KCNT2: variants seen among roughly 807,000 people sequenced by gnomAD.
KCNT2 encodes the protein potassium channel subfamily T member 2.
Under a neutral mutation model 153.8 loss-of-function variants are expected in KCNT2, and 67 were observed. The observed-to-expected ratio is 0.44, with a 90% CI of 0.36 to 0.53. KCNT2 has a LOEUF of 0.53. KCNT2 is among the 20% of genes least tolerant of loss of function. The pLI is 0.00. For synonymous variants in KCNT2, 500 were observed against 458.8 expected (o/e 1.09, Z -1.15); for missense variants, 975 against 1,354.8 (o/e 0.72, Z 4.40).
intron 16 of KCNT2, 42 bp from the exon 17 acceptor site, chr1:196,334,102 T>G: frequency 8.0e-7 from 1 of 1,246,170 alleles, no homozygotes; most frequent in Non-Finnish European, 1.2e-6. Flanking sequence ...GCGTTTGCCA[T>G]ATTGATCACT....
chr1:196,456,201 C>T (rs1041745929), intron 8 of KCNT2, among the ~76,000 whole-genome samples: 6 of 151,942 alleles, frequency 3.9e-5, no homozygotes, highest in African/African-American at 7.2e-5. Flanking sequence ...AGACTTCCTC[C>T]GGGAGTCTTT....
rs559480064 is a variant in KCNT2 at position 196,524,926 on chromosome 1, G to T, written c.96-32585C>A. 5.3e-5 allele frequency among the ~76,000 whole-genome samples: 8 copies of T among 152,164 alleles called. No individual in the cohort carries two copies. In the South Asian group the frequency reaches 1.5e-3, roughly 28 times the overall value. ...GTTTTGACTTTTATAAATACAATGA[G>T]TATTATAGAATCTTCAATTTCTCAT... On this transcript the variant is annotated intron_variant, in intron 1 of 27. Coordinates refer to ENST00000294725, the MANE Select transcript of KCNT2 (RefSeq NM_198503.5).
chr1:196,585,508 G>A (rs898914052), intron 1 of KCNT2, among the ~76,000 whole-genome samples: 2 of 151,770 alleles, frequency 1.3e-5, no homozygotes, highest in Non-Finnish European at 2.9e-5. Flanking sequence ...CCACTCAGTC[G>A]ATAATTCAAT....
intron 14 of KCNT2, among the ~76,000 whole-genome samples, chr1:196,344,916 A>G (rs1478483316): frequency 6.6e-6 from 1 of 152,088 alleles, no homozygotes; most frequent in African/African-American, 2.4e-5. Flanking sequence ...CTAATAGTTA[A>G]CCTGGAATCT....
chr1:196,298,905 A>G (rs1219682428), intron 22 of KCNT2, among the ~76,000 whole-genome samples: 1 of 150,992 alleles, frequency 6.6e-6, no homozygotes, highest in East Asian at 1.9e-4. Flanking sequence ...AAGACCAAGT[A>G]TTTATTTTTA....
intron 12 of KCNT2, among the ~76,000 whole-genome samples, chr1:196,407,276 A>T (rs1671903830): frequency 1.3e-5 from 2 of 151,462 alleles, no homozygotes; most frequent in South Asian, 4.1e-4. Context: ...TGTCAAATGA[A>T]TAGTAAAGTG....
chr1:196,525,503 C>G (rs960973178), intron 1 of KCNT2, among the ~76,000 whole-genome samples: 3 of 152,176 alleles, frequency 2.0e-5, no homozygotes, highest in African/African-American at 7.2e-5. Flanking sequence ...TTTCTTCAAT[C>G]ATGAGTTATA....
At chr1:196,252,309 A>C (rs1340193003) in intron 26 of KCNT2, among the ~76,000 whole-genome samples, 1 of 151,762 alleles carries the variant, frequency 6.6e-6, no homozygotes, top group African/African-American at 2.4e-5. Flanking sequence ...ACCATATGAT[A>C]ACTGTTGCAT....
In KCNT2 at chr1:196,497,001, G is replaced by T. The variant is rs147407764; in HGVS notation, c.96-4660C>A. On this transcript the variant is annotated intron_variant, in intron 1 of 27. Coordinates refer to ENST00000294725, the MANE Select transcript of KCNT2 (RefSeq NM_198503.5). The stretch of plus-strand genomic sequence containing the variant: ...GTTGAATGAAATGGCATTATTTAAG[G>T]AACTACTGCATTTACATTTCATTGT... Among the ~76,000 whole-genome samples, 603 of 152,252 alleles carry T rather than the reference G, an allele frequency of 4.0e-3. 6 individuals are homozygous for T. The highest frequency in any genetic ancestry group is 0.014 in the African/African-American group (568 of 41,538).
chr1:196,486,005 T>A (rs1159471472), intron 3 of KCNT2, among the ~76,000 whole-genome samples: 2 of 151,942 alleles, frequency 1.3e-5, no homozygotes, highest in Non-Finnish European at 2.9e-5. Context: ...GTAACTGGAA[T>A]CTACCTGAAT....
At chr1:196,483,182 T>G (rs1427565896) in intron 3 of KCNT2, among the ~76,000 whole-genome samples, 2 of 152,190 alleles carry the variant, frequency 1.3e-5, no homozygotes, top group Non-Finnish European at 2.9e-5. Flanking sequence ...TCATTTTATT[T>G]GGCTACTCAA....
At chr1:196,518,821 A>T (rs1185976763) in intron 1 of KCNT2, among the ~76,000 whole-genome samples, 2 of 152,182 alleles carry the variant, frequency 1.3e-5, no homozygotes, top group African/African-American at 4.8e-5. Context: ...AAAGAAACTT[A>T]GACTTCCACA....
intron 25 of KCNT2, among the ~76,000 whole-genome samples, chr1:196,277,996 G>T (rs1658734412): frequency 6.6e-6 from 1 of 151,800 alleles, no homozygotes; most frequent in African/African-American, 2.4e-5. Flanking sequence ...ATCTTGCAAA[G>T]CTATGAGCAA....
chr1:196,359,411 A>G (rs1466757093), intron 14 of KCNT2, among the ~76,000 whole-genome samples: 1 of 151,994 alleles, frequency 6.6e-6, no homozygotes, highest in African/African-American at 2.4e-5. Flanking sequence ...CCTTGTATCA[A>G]TGGAGTCTCA....
At chr1:196,517,433 A>T (rs1347909471) in intron 1 of KCNT2, among the ~76,000 whole-genome samples, 1 of 152,220 alleles carries the variant, frequency 6.6e-6, no homozygotes, top group African/African-American at 2.4e-5. Context: ...ATTGGTTGAA[A>T]TGACAGAAAT....
intron 1 of KCNT2, among the ~76,000 whole-genome samples, chr1:196,597,847 C>T (rs1664270605): frequency 6.6e-6 from 1 of 152,118 alleles, no homozygotes; most frequent in Admixed American, 6.5e-5. Flanking sequence ...ATAGGCAAAA[C>T]ATACTAATAA....
At chr1:196,333,415 A>G (rs1313413798) in intron 17 of KCNT2, among the ~76,000 whole-genome samples, 1 of 152,156 alleles carries the variant, frequency 6.6e-6, no homozygotes, top group Non-Finnish European at 1.5e-5. Flanking sequence ...TGAGATAAGT[A>G]AGGAAAGCTT....
chr1:196,297,723 C>T (rs1262225751), intron 22 of KCNT2, among the ~76,000 whole-genome samples: 1 of 152,100 alleles, frequency 6.6e-6, no homozygotes, highest in Non-Finnish European at 1.5e-5. Context: ...CTTAATGAAT[C>T]AAACTCAGTG....
chr1:196,307,526 AC>A (rs1347789475), intron 21 of KCNT2, among the ~76,000 whole-genome samples: 1 of 152,116 alleles, frequency 6.6e-6, no homozygotes, highest in East Asian at 1.9e-4. Flanking sequence ...ATAAATCATA[AC>A]AACTAGAAAG....
Sources: gnomAD v4.1 joint callset for allele counts (sites outside exome capture counted in the v4.1 genomes callset) on GRCh38, gnomAD v4.1.1 for gene constraint, MANE v1.5 for transcripts, NCBI Gene and HGNC (gene_info 2026-07-23, HGNC 2026-07-21) for gene names.